The following ITGA1 variants were observed in gnomAD, a reference collection of about 807,000 sequenced individuals.
ITGA1 encodes integrin alpha-1.
ITGA1 carries 85 observed loss-of-function variants against 145.9 expected under a neutral mutation model. The ratio of observed to expected loss-of-function variants is 0.58; its 90% confidence interval spans 0.49 to 0.70. The LOEUF (loss-of-function observed/expected upper bound fraction) is 0.70, where lower values mean the gene tolerates loss of function less well. Among genes scored for constraint, ITGA1 ranks in the 30% least tolerant of loss-of-function variants. The pLI, the probability that ITGA1 is intolerant of heterozygous loss-of-function variation, is 0.00. For synonymous variants in ITGA1, 520 were observed against 495.3 expected (o/e 1.05, Z -0.66); for missense variants, 1,351 against 1,418.7 (o/e 0.95, Z 0.77).
At chr5:52,825,967 T>C (rs528012722) in intron 1 of ITGA1, among the ~76,000 whole-genome samples, 6 of 149,680 alleles carry the variant, frequency 4.0e-5, no homozygotes, top group Admixed American at 4.0e-4. Flanking sequence ...AACCTTACAG[T>C]GGCCTCTAAG....
At chr5:52,911,985 ATG>A (rs376168863) in intron 14 of ITGA1, among the ~76,000 whole-genome samples, 68,236 of 88,540 alleles carry the variant, frequency 0.77, 26,908 homozygotes, top group African/African-American at 0.86. Context: ...TATATACTAT[ATG>A]TATAGTGTGT....
chr5:52,812,697 A>G (rs1390362039), intron 1 of ITGA1, among the ~76,000 whole-genome samples: 1 of 151,994 alleles, frequency 6.6e-6, no homozygotes, highest in Non-Finnish European at 1.5e-5. Flanking sequence ...AACTGCTCTC[A>G]TAGAGTTGCA....
At chr5:52,824,943 A>G (rs1338525975) in intron 1 of ITGA1, 1 of 152,226 alleles carries the variant, frequency 6.6e-6, no homozygotes, top group African/African-American at 2.4e-5. Flanking sequence ...TTTTTATTAT[A>G]GTAAAATATA....
At chr5:52,811,409 C>T (rs926418582) in intron 1 of ITGA1, among the ~76,000 whole-genome samples, 3 of 152,104 alleles carry the variant, frequency 2.0e-5, no homozygotes, top group East Asian at 1.9e-4. Flanking sequence ...GTTATTTTTG[C>T]GATCATGTCT....
chr5:52,896,271 C>A (rs959057823), intron 9 of ITGA1, among the ~76,000 whole-genome samples: 1 of 152,148 alleles, frequency 6.6e-6, no homozygotes, highest in East Asian at 1.9e-4. Context: ...GGCAGAATAG[C>A]GGCAGGGCAG....
At chr5:52,796,262 CT>C (rs1334864860) in intron 1 of ITGA1, among the ~76,000 whole-genome samples, 5 of 151,698 alleles carry the variant, frequency 3.3e-5, no homozygotes, top group African/African-American at 1.2e-4. Flanking sequence ...TCTTGAGACA[CT>C]GGAAGTGTCT....
chr5:52,823,135 G>A (rs1020210660), intron 1 of ITGA1, among the ~76,000 whole-genome samples: 2 of 152,142 alleles, frequency 1.3e-5, no homozygotes, highest in Admixed American at 1.3e-4. Context: ...TCTTAGACAA[G>A]CCTCGGAGAG....
intron 6 of ITGA1, among the ~76,000 whole-genome samples, chr5:52,876,672 G>C (rs1749872358): frequency 6.6e-6 from 1 of 152,112 alleles, no homozygotes; most frequent in Non-Finnish European, 1.5e-5. Flanking sequence ...AAGCAAAACA[G>C]CAGTGAAGGA....
intron 1 of ITGA1, among the ~76,000 whole-genome samples, chr5:52,833,578 A>T (rs1447111513): frequency 6.6e-6 from 1 of 152,186 alleles, no homozygotes; most frequent in East Asian, 1.9e-4. Context: ...TGCTAGAGTT[A>T]AGAGTTTTCT....
At chr5:52,899,203 G>A (rs1551943) in intron 11 of ITGA1, among the ~76,000 whole-genome samples, 25,337 of 152,174 alleles carry the variant, frequency 0.17, 2,543 homozygotes, top group South Asian at 0.3. Flanking sequence ...TGGCCTGGAA[G>A]CATTCACAGC....
At chr5:52,935,846 G>A (rs1750958834) in intron 23 of ITGA1, among the ~76,000 whole-genome samples, 1 of 151,444 alleles carries the variant, frequency 6.6e-6, no homozygotes, top group Non-Finnish European at 1.5e-5. Context: ...ACACTAAAAT[G>A]TTACCAAGGT....
chr5:52,930,558 T>G (rs928023688), intron 21 of ITGA1, among the ~76,000 whole-genome samples: 2 of 152,058 alleles, frequency 1.3e-5, no homozygotes, highest in African/African-American at 4.8e-5. Context: ...ATTATAGAGA[T>G]AGAAAGCTTT....
intron 26 of ITGA1, among the ~76,000 whole-genome samples, chr5:52,943,017 A>C (rs77092974): frequency 0.019 from 2,886 of 152,264 alleles, 93 homozygotes; most frequent in East Asian, 0.15. Flanking sequence ...TTACCAGTGG[A>C]AAAAAGATAG....
At chr5:52,861,062 A>G (rs752973819) in intron 2 of ITGA1, among the ~76,000 whole-genome samples, 1 of 152,150 alleles carries the variant, frequency 6.6e-6, no homozygotes. Flanking sequence ...CTTAGCCAAT[A>G]ATTATTGATT....
At chr5:52,806,547 G>A (rs1217050695) in intron 1 of ITGA1, among the ~76,000 whole-genome samples, 1 of 151,928 alleles carries the variant, frequency 6.6e-6, no homozygotes, top group African/African-American at 2.4e-5. Context: ...CTTCAGTGGC[G>A]ATGATAAAGT....
chr5:52,897,397 C>A, intron 9 of ITGA1, 58 bp from the exon 10 acceptor site: 2 of 1,128,962 alleles, frequency 1.8e-6, no homozygotes, highest in South Asian at 1.3e-5. Flanking sequence ...TTCTGCAAGT[C>A]AGTAGTGCAT....
intron 1 of ITGA1, 50 bp from the exon 2 acceptor site, chr5:52,849,315 A>T: frequency 6.6e-7 from 1 of 1,515,110 alleles, no homozygotes; most frequent in Non-Finnish European, 9.0e-7. Context: ...TCAAAACATG[A>T]TGGACTCTTA....
At chr5:52,873,716 A>C (rs1749821076) in intron 6 of ITGA1, among the ~76,000 whole-genome samples, 1 of 152,210 alleles carries the variant, frequency 6.6e-6, no homozygotes, top group Non-Finnish European at 1.5e-5. Context: ...GATAAAAGGA[A>C]ATATACATTG....
chr5:52,926,185 T>A (rs1350959832), intron 19 of ITGA1, among the ~76,000 whole-genome samples: 1 of 152,198 alleles, frequency 6.6e-6, no homozygotes, highest in East Asian at 1.9e-4. Context: ...TATTGTCTAC[T>A]TTCTGTAAAC....
Sources: allele counts gnomAD v4.1 joint callset (sites outside exome capture counted in the v4.1 genomes callset), GRCh38; gene constraint gnomAD v4.1.1; transcripts MANE v1.5; gene names NCBI Gene and HGNC (gene_info 2026-07-23, HGNC 2026-07-21).